ANAPC11: variants seen among roughly 807,000 people sequenced by gnomAD.
ANAPC11 encodes the protein anaphase-promoting complex subunit 11.
In ANAPC11, 5 loss-of-function variants were observed where a neutral mutation model predicts 11.8. The observed-to-expected ratio is 0.42, with a 90% CI of 0.22 to 0.89. The LOEUF is 0.89. ANAPC11 is among the 40% of genes least tolerant of loss of function. ANAPC11 has a pLI of 0.28. For synonymous variants in ANAPC11, 45 were observed against 41.0 expected (o/e 1.10, Z -0.38); for missense variants, 68 against 112.9 (o/e 0.60, Z 1.80).
chr17:81,898,928 A>T, intron 3 of ANAPC11: 1 of 404,320 alleles, frequency 2.5e-6, no homozygotes. Flanking sequence ...CCCTCTCCTC[A>T]GGGGGCTAGC....
At chr17:81,891,627 C>T (rs1243710757), upstream of ANAPC11, 28 of 1,336,996 alleles carry the variant, frequency 2.1e-5, no homozygotes, top group Non-Finnish European at 2.7e-5. Context: ...CTTCCGGCGC[C>T]GCGTGAGGCC....
chr17:81,894,878 G>A, intron 3 of ANAPC11: 1 of 324,392 alleles, frequency 3.1e-6, no homozygotes, highest in Non-Finnish European at 5.5e-6. Flanking sequence ...CCACCATGCT[G>A]GGCTAATTTT....
upstream of ANAPC11, chr17:81,891,208 G>T: frequency 1.2e-6 from 1 of 826,030 alleles, no homozygotes; most frequent in Non-Finnish European, 1.5e-6. Flanking sequence ...ACCTCCGGGC[G>T]GCCGCTCCAC....
chr17:81,892,524 ATTTT>A (rs201667030), intron 1 of ANAPC11, among the ~76,000 whole-genome samples: 4 of 128,524 alleles, frequency 3.1e-5, no homozygotes, highest in Non-Finnish European at 3.2e-5. Flanking sequence ...CATTTCATTG[ATTTT>A]TTTTTTTTTT....
chr17:81,898,263 A>C (rs2039809759), intron 3 of ANAPC11: 1 of 152,260 alleles, frequency 6.6e-6, no homozygotes, highest in Admixed American at 6.5e-5. Flanking sequence ...TCCGTGGGCC[A>C]GATGTGGGTG....
At chr17:81,899,852 C>A in intron 3 of ANAPC11, 68 bp from the exon 4 acceptor site, 1 of 1,509,096 alleles carries the variant, frequency 6.6e-7, no homozygotes, top group East Asian at 2.3e-5. Flanking sequence ...TGCACCCCTG[C>A]CTGGCTTGTC....
rs949070041 is a variant in ANAPC11, at chr17:81,891,800, C to G, written c.-116C>G. Reference sequence around the variant, plus strand: ...GACTGTGGTCGTTTTTATACCTTCCCGCGCGGACGCCGGCGCTGCCAACGG... The same window carrying G: ...GACTGTGGTCGTTTTTATACCTTCCGGCGCGGACGCCGGCGCTGCCAACGG... On this transcript the variant is annotated 5_prime_UTR_variant, in exon 1 of 4. Transcript: ENST00000344877. 8.1e-6 allele frequency: 2 copies of G among 245,764 alleles called. No homozygotes were observed. Among genetic ancestry groups the G allele is most frequent in the African/African-American group, 2.3e-5 (1 of 42,922 alleles). 15.2% of individuals were successfully genotyped at this position (245,764 alleles called of 1,614,324 possible).
At chr17:81,890,946 GC>G, upstream of ANAPC11, 1 of 1,427,870 alleles carries the variant, frequency 7.0e-7, no homozygotes, top group Non-Finnish European at 9.5e-7. Context: ...GGGGCCGCCA[GC>G]GCTCCCTCCG....
At chr17:81,899,440 C>T in intron 3 of ANAPC11, 1 of 1,614,016 alleles carries the variant, frequency 6.2e-7, no homozygotes, top group South Asian at 1.1e-5. Context: ...GATCAAGAGA[C>T]CAGTTCACTA....
At chr17:81,890,888 C>A (rs565224645), upstream of ANAPC11, 712 of 1,605,124 alleles carry the variant, frequency 4.4e-4, 1 homozygote, top group Non-Finnish European at 5.9e-4. Flanking sequence ...ACCCTCACGG[C>A]TACTCCGGAC....
chr17:81,891,796 T>G lies in ANAPC11; in HGVS notation c.-120T>G. 4 of 243,652 alleles carry G rather than the reference T, an allele frequency of 1.6e-5. No individual in the cohort carries two copies. The highest frequency in any genetic ancestry group is 2.3e-5 in the Non-Finnish European group (3 of 129,534). 15.1% of individuals were successfully genotyped at this position (243,652 alleles called of 1,614,324 possible). On this transcript the variant is annotated 5_prime_UTR_variant, in exon 1 of 4. Coordinates refer to ENST00000344877, the MANE Select transcript of ANAPC11 (RefSeq NM_001002248.3). ...CCGCGACTGTGGTCGTTTTTATACC[T>G]TCCCGCGCGGACGCCGGCGCTGCCA...
In ANAPC11 at chr17:81,899,572, A is replaced by G. The variant is rs1026407388; in HGVS notation, c.110-348A>G. On this transcript the variant is annotated intron_variant, in intron 3 of 3. Coordinates refer to ENST00000344877, the MANE Select transcript of ANAPC11 (RefSeq NM_001002248.3). Reference sequence around the variant, plus strand: ...GACATTGCCCTTTTTCCCCAGCCTCAAGCACAGGGGACACAGGGTGGGCTA... The same window carrying G: ...GACATTGCCCTTTTTCCCCAGCCTCGAGCACAGGGGACACAGGGTGGGCTA... 4 of 1,601,134 alleles carry G rather than the reference A, an allele frequency of 2.5e-6. No individual in the cohort carries two copies. In the African/African-American group the frequency reaches 5.4e-5, roughly 21 times the overall value.
intron 3 of ANAPC11, among the ~76,000 whole-genome samples, chr17:81,896,067 T>G (rs1449566582): frequency 6.6e-6 from 1 of 152,230 alleles, no homozygotes; most frequent in Admixed American, 6.5e-5. Flanking sequence ...GCGGATTGCT[T>G]CAGGCCAGGT....
intron 3 of ANAPC11, chr17:81,899,706 C>T: frequency 2.0e-6 from 2 of 988,232 alleles, no homozygotes; most frequent in Non-Finnish European, 2.9e-6. Flanking sequence ...GGCCGCATGT[C>T]CGGTGTCCCT....
chr17:81,893,569 G>T lies in ANAPC11; in HGVS notation c.-57G>T, dbSNP rs2039628497. The T allele has an allele frequency of 6.6e-6, 1 of 152,004 alleles. No homozygotes were observed. Among genetic ancestry groups the T allele is most frequent in the Non-Finnish European group, 1.5e-5 (1 of 68,038 alleles). 9.4% of individuals were successfully genotyped at this position (152,004 alleles called of 1,614,324 possible). On this transcript the variant is annotated 5_prime_UTR_variant, in exon 2 of 4. An upstream start codon of the reference 5' UTR is lost. Transcript: ENST00000344877. ...TTTTGTAGAGACGGAGTTTCGTCAT[G>T]TTGGCCAGGCCCATTTGAGATCTTT...
chr17:81,894,717 T>A, intron 3 of ANAPC11, 131 bp downstream of exon 3: 2 of 234,392 alleles, frequency 8.5e-6, no homozygotes, highest in Non-Finnish European at 1.6e-5. Context: ...TTCATTTTCT[T>A]TTTTTTTTTT....
intron 2 of ANAPC11, among the ~76,000 whole-genome samples, chr17:81,894,137 G>A (rs1285833411): frequency 2.6e-5 from 4 of 151,788 alleles, no homozygotes; most frequent in South Asian, 2.1e-4. Context: ...TTAGTCGGGC[G>A]TGGAGTCACG....
chr17:81,890,949 C>T, upstream of ANAPC11: 3 of 1,397,094 alleles, frequency 2.1e-6, no homozygotes, highest in East Asian at 2.4e-5. Context: ...GCCGCCAGCG[C>T]TCCCTCCGGC....
At chr17:81,890,926 C>A, upstream of ANAPC11, 1 of 1,513,652 alleles carries the variant, frequency 6.6e-7, no homozygotes, top group Non-Finnish European at 8.9e-7. Context: ...TGAGAGGATC[C>A]GGCCGAAACG....
Sources: allele counts gnomAD v4.1 joint callset (sites outside exome capture counted in the v4.1 genomes callset), GRCh38; gene constraint gnomAD v4.1.1; transcripts MANE v1.5; gene names NCBI Gene and HGNC (gene_info 2026-07-23, HGNC 2026-07-21).